The following KCNK10 variants were observed in gnomAD, a reference collection of about 807,000 sequenced individuals.
The protein encoded by KCNK10 is potassium two pore domain channel subfamily K member 10.
KCNK10 carries 25 observed loss-of-function variants against 47.7 expected under a neutral mutation model. The observed-to-expected ratio is 0.52, with a 90% CI of 0.38 to 0.73. KCNK10 has a LOEUF of 0.73. Ranked by LOEUF, KCNK10 falls within the 30% of genes least tolerant of loss-of-function variation. KCNK10 has a pLI of 0.00. For missense variants in KCNK10, 563 were observed against 714.5 expected (o/e 0.79, Z 2.42); for synonymous variants, 303 against 285.6 (o/e 1.06, Z -0.61).
At chr14:88,275,160 G>T (rs569451221) in intron 1 of KCNK10, among the ~76,000 whole-genome samples, 6 of 151,936 alleles carry the variant, frequency 3.9e-5, no homozygotes, top group Non-Finnish European at 8.8e-5. Context: ...AGTCTCCCTC[G>T]CCCACAACAT....
intron 3 of KCNK10, among the ~76,000 whole-genome samples, chr14:88,232,444 C>T (rs1204911195): frequency 4.6e-5 from 7 of 152,158 alleles, no homozygotes; most frequent in Non-Finnish European, 7.4e-5. Flanking sequence ...TCTTATAAAC[C>T]TTGCGACCAC....
chr14:88,252,126 G>A (rs1192066374), intron 2 of KCNK10, among the ~76,000 whole-genome samples: 10 of 151,904 alleles, frequency 6.6e-5, no homozygotes, highest in Non-Finnish European at 1.5e-5. Flanking sequence ...TGTTGCCCAG[G>A]CTGGTCTCAA....
chr14:88,289,414 TAC>T (rs1465989826), intron 1 of KCNK10, among the ~76,000 whole-genome samples: 1 of 152,242 alleles, frequency 6.6e-6, no homozygotes, highest in Non-Finnish European at 1.5e-5. Context: ...ATCATGCCCT[TAC>T]ACAGTTTTTT....
At position 88,184,368 on chromosome 14, in the gene KCNK10, T is replaced by C. The variant is rs1884470732; in HGVS notation, c.*1167A>G. 1 of 152,342 alleles carries C rather than the reference T, an allele frequency of 6.6e-6. No individual in the cohort carries two copies. Among genetic ancestry groups the C allele is most frequent in the Non-Finnish European group, 1.5e-5 (1 of 68,034 alleles). 9.4% of individuals were successfully genotyped at this position (152,342 alleles called of 1,614,324 possible). ...ATATTTTAAATATTTCTAAGTATCA[T>C]TGTTAAATGGAATTAATGGCACTTA... On this transcript the variant is annotated 3_prime_UTR_variant, in exon 7 of 7. Coordinates refer to ENST00000319231, the MANE Select transcript of KCNK10 (RefSeq NM_138317.3).
At chr14:88,212,195 C>T (rs1885485772) in intron 4 of KCNK10, among the ~76,000 whole-genome samples, 2 of 151,250 alleles carry the variant, frequency 1.3e-5, no homozygotes, top group South Asian at 2.1e-4. Flanking sequence ...AATCCCCACA[C>T]TTTGGGAGGC....
At chr14:88,315,088 C>T (rs941216392) in intron 1 of KCNK10, among the ~76,000 whole-genome samples, 2 of 152,226 alleles carry the variant, frequency 1.3e-5, no homozygotes, top group Non-Finnish European at 2.9e-5. Context: ...AGCTCCTATA[C>T]TGTACAGAGG....
intron 1 of KCNK10, among the ~76,000 whole-genome samples, chr14:88,291,041 G>T (rs968132592): frequency 6.6e-6 from 1 of 152,172 alleles, no homozygotes; most frequent in African/African-American, 2.4e-5. Context: ...GCAGCACCTG[G>T]ACTATTTTTA....
chr14:88,194,641 G>T (rs1282703035), intron 4 of KCNK10, among the ~76,000 whole-genome samples: 1 of 152,168 alleles, frequency 6.6e-6, no homozygotes, highest in African/African-American at 2.4e-5. Context: ...GGGAAGATGG[G>T]GAAGGACAGC....
intron 1 of KCNK10, among the ~76,000 whole-genome samples, chr14:88,293,968 T>C (rs11624991): frequency 0.29 from 44,458 of 152,074 alleles, 7,402 homozygotes; most frequent in Non-Finnish European, 0.37. Context: ...TGTGAACCAC[T>C]GTGCCTAGTC....
chr14:88,320,780 G>T lies in KCNK10; in HGVS notation c.52+1967C>A, dbSNP rs74069546. On this transcript the variant is annotated intron_variant, in intron 1 of 6. Coordinates refer to ENST00000319231, the MANE Select transcript of KCNK10 (RefSeq NM_138317.3). ...CCCCTACATCCACAAGAGCCACACAGCACTTGTTTTGAAACTTAGCTCAAA... is the reference window on the plus strand; with the variant it reads ...CCCCTACATCCACAAGAGCCACACATCACTTGTTTTGAAACTTAGCTCAAA... 3.5e-3 allele frequency among the ~76,000 whole-genome samples: 528 copies of T among 152,266 alleles called. 2 individuals carry two copies. The highest frequency in any genetic ancestry group is 0.012 in the African/African-American group (516 of 41,568).
chr14:88,247,982 T>A (rs1286285477), intron 2 of KCNK10, among the ~76,000 whole-genome samples: 1 of 152,198 alleles, frequency 6.6e-6, no homozygotes, highest in African/African-American at 2.4e-5. Context: ...CAGGGATAGA[T>A]GTGTATACTT....
upstream of KCNK10, chr14:88,326,843 C>G: frequency 4.1e-6 from 1 of 243,630 alleles, no homozygotes; most frequent in Non-Finnish European, 7.9e-6. Flanking sequence ...AGTTGGCTGG[C>G]TCCCTTACCC....
intron 3 of KCNK10, among the ~76,000 whole-genome samples, chr14:88,228,954 C>G (rs1886072511): frequency 6.6e-6 from 1 of 152,054 alleles, no homozygotes; most frequent in African/African-American, 2.4e-5. Flanking sequence ...CAAGAATACC[C>G]CTCTAGAATG....
intron 4 of KCNK10, among the ~76,000 whole-genome samples, chr14:88,197,710 T>C (rs1257559689): frequency 1.3e-5 from 2 of 150,444 alleles, no homozygotes; most frequent in Non-Finnish European, 3.0e-5. Flanking sequence ...AATACGCTAT[T>C]GGAACACAAG....
intron 2 of KCNK10, 89 bp from the exon 3 acceptor site, chr14:88,240,909 T>G: frequency 2.6e-6 from 2 of 779,846 alleles, no homozygotes; most frequent in Non-Finnish European, 4.2e-6. Context: ...CAATACATTA[T>G]TCCCCTACTC....
intron 2 of KCNK10, 135 bp from the exon 3 acceptor site, chr14:88,240,955 T>G (rs1443600645): frequency 1.8e-6 from 1 of 564,254 alleles, no homozygotes; most frequent in East Asian, 2.9e-5. Context: ...ACTGGTTAAG[T>G]GGATGATGGT....
chr14:88,185,400 A>G lies in KCNK10; in HGVS notation c.*135T>C, dbSNP rs188906674. ...GAGCAAGCTTTCAGTTGTTTATGGC[A>G]CAGTGAAATATATTCTTCAATGCTA... On this transcript the variant is annotated 3_prime_UTR_variant, in exon 7 of 7. Transcript: ENST00000319231. The surrounding 1 kb of genome is among the most constrained non-coding windows in gnomAD (Gnocchi z 4.3). The G allele has an allele frequency of 6.5e-4, 821 of 1,254,452 alleles. 1 individual carries two copies. Among genetic ancestry groups the G allele is most frequent in the Admixed American group, 1.8e-3 (66 of 36,118 alleles). 77.7% of individuals were successfully genotyped at this position (1,254,452 alleles called of 1,614,324 possible).
In KCNK10 at chr14:88,186,037, A is replaced by G. The variant is rs1270156137; in HGVS notation, c.1130T>C (p.Ile377Thr). Residue 377 changes from isoleucine to threonine, a missense_variant, in exon 7 of 7, where the codon ATC becomes ACC. Coordinates refer to ENST00000319231, the MANE Select transcript of KCNK10 (RefSeq NM_138317.3). This position sits in a 1 kb window ranked among gnomAD's most constrained non-coding sequence, Gnocchi z 5.5. The stretch of plus-strand genomic sequence containing the variant: ...CAGCCGCCGGCGCTCCATGCTGCGG[A>G]TGGTGGCCGCCCGCTGCAGCTTATC... ...IHDKLQRAAT[I>T]RSMERRRLGL... is the part of the protein sequence containing the mutation. 9 of 1,613,400 alleles carry G rather than the reference A, an allele frequency of 5.6e-6. No individual in the cohort carries two copies. Among genetic ancestry groups the G allele is most frequent in the Middle Eastern group, 1.7e-4 (1 of 5,948 alleles).
At chr14:88,203,834 G>T (rs1324659154) in intron 4 of KCNK10, among the ~76,000 whole-genome samples, 1 of 152,170 alleles carries the variant, frequency 6.6e-6, no homozygotes, top group African/African-American at 2.4e-5. Flanking sequence ...GAGTAACACA[G>T]GGAAGGCACA....
Sources: allele counts gnomAD v4.1 joint callset (sites outside exome capture counted in the v4.1 genomes callset), GRCh38; gene constraint gnomAD v4.1.1; non-coding constraint Gnocchi (gnomAD v3.1); transcripts MANE v1.5; gene names NCBI Gene and HGNC (gene_info 2026-07-23, HGNC 2026-07-21).